The following C5orf58 variants were observed in gnomAD, a reference collection of about 807,000 sequenced individuals.
C5orf58 encodes chromosome 5 open reading frame 58.
C5orf58 carries 2 observed loss-of-function variants against 2.9 expected under a neutral mutation model. That is an observed-to-expected ratio of 0.69 (90% confidence interval 0.28 to 2.18). The LOEUF (loss-of-function observed/expected upper bound fraction) is 2.18. Among genes scored for constraint, C5orf58 ranks in the 30% most tolerant of loss-of-function variants. C5orf58 has a pLI of 0.13. For missense variants in C5orf58, 96 were observed against 91.7 expected, an observed-to-expected ratio of 1.05 and a Z score of -0.19; for synonymous variants, 37 against 33.4, an observed-to-expected ratio of 1.11 and a Z score of -0.37.
downstream of C5orf58, chr5:170,250,967 A>G (rs1761424652): frequency 9.0e-7 from 1 of 1,115,316 alleles, no homozygotes; most frequent in Non-Finnish European, 1.3e-6. Flanking sequence ...ACAAGCCTCT[A>G]GGGATCTGAC....
chr5:170,252,465 T>G, downstream of C5orf58: 1 of 1,589,684 alleles, frequency 6.3e-7, no homozygotes, highest in South Asian at 1.1e-5. Flanking sequence ...AGCTTCTGCC[T>G]CTGGTCGGGT....
chr5:170,251,285 T>C (rs1761435955), intron 2 of C5orf58: 1 of 193,122 alleles, frequency 5.2e-6, no homozygotes, highest in Admixed American at 5.5e-5. Context: ...CCCTAAACTT[T>C]CTTTTCCACA....
At chr5:170,248,865 G>A, downstream of C5orf58, 3 of 1,598,096 alleles carry the variant, frequency 1.9e-6, no homozygotes, top group Non-Finnish European at 2.6e-6. Context: ...GGAATGAAAA[G>A]CAGGAACTTC....
chr5:170,234,238 C>A, intron 2 of C5orf58, 40 bp downstream of exon 2: 1 of 1,201,716 alleles, frequency 8.3e-7, no homozygotes, highest in Non-Finnish European at 1.1e-6. Flanking sequence ...CAGCTTGACC[C>A]ATGACTGCCC....
intron 3 of C5orf58, among the ~76,000 whole-genome samples, chr5:170,243,007 C>A (rs1361051180): frequency 4.2e-5 from 6 of 143,116 alleles, no homozygotes; most frequent in South Asian, 2.3e-4. Context: ...CAAAGAACAT[C>A]TTTATTTCTG....
chr5:170,236,976 A>T (rs1760769260), intron 3 of C5orf58, among the ~76,000 whole-genome samples: 1 of 152,204 alleles, frequency 6.6e-6, no homozygotes, highest in Non-Finnish European at 1.5e-5. Context: ...TTCGATTCTT[A>T]AAAAATTTTT....
intron 2 of C5orf58, 26 bp from the exon 3 acceptor site, chr5:170,234,951 T>A: frequency 9.3e-7 from 1 of 1,081,068 alleles, no homozygotes; most frequent in Non-Finnish European, 1.4e-6. Context: ...ATTTATACAT[T>A]GTTTCTGTTT....
downstream of C5orf58, among the ~76,000 whole-genome samples, chr5:170,249,362 G>GTGTA (rs549497220): frequency 4.8e-4 from 52 of 108,132 alleles, no homozygotes; most frequent in African/African-American, 1.5e-3. Context: ...GCATGCGTGT[G>GTGTA]TATATATATA....
intron 3 of C5orf58, among the ~76,000 whole-genome samples, chr5:170,235,556 CAAGAA>C (rs1453011279): frequency 6.6e-6 from 1 of 152,188 alleles, no homozygotes; most frequent in Non-Finnish European, 1.5e-5. Context: ...TATTTTATCC[CAAGAA>C]AATTTCTGTG....
Position 170,234,958 on chromosome 5 carries a change from G to C in C5orf58, c.1-19G>C. 8.2e-7 allele frequency: 1 copy of C among 1,225,002 alleles called. No homozygotes were observed. Among genetic ancestry groups the C allele is most frequent in the South Asian group, 1.4e-5 (1 of 72,048 alleles). 75.9% of individuals were successfully genotyped at this position (1,225,002 alleles called of 1,614,324 possible). ...AAATACTGATTTATACATTGTTTCTGTTTTTCTTTTAAAATCAGATGGGTA... is the reference window on the plus strand; with the variant it reads ...AAATACTGATTTATACATTGTTTCTCTTTTTCTTTTAAAATCAGATGGGTA... On this transcript the variant is annotated intron_variant, in intron 2 of 3. Coordinates refer to ENST00000593851, the MANE Select transcript of C5orf58 (RefSeq NM_001102609.3).
At chr5:170,248,884 T>G, downstream of C5orf58, 1 of 1,519,490 alleles carries the variant, frequency 6.6e-7, no homozygotes, top group Non-Finnish European at 9.1e-7. Context: ...TCACTTTCAG[T>G]TTTTTTATCT....
At position 170,232,996 on chromosome 5, in the gene C5orf58, A is replaced by G. The variant is rs967226151; in HGVS notation, c.-96A>G. On this transcript the variant is annotated 5_prime_UTR_variant, in exon 1 of 4. Coordinates refer to ENST00000593851, the MANE Select transcript of C5orf58 (RefSeq NM_001102609.3). ...CCCTGCTCCTGTCAGAACCTCGGTG[A>G]CGGTTGGCCAGGTGGGTAGTGACGG... 1.1e-5 allele frequency: 11 copies of G among 985,138 alleles called. No individual in the cohort carries two copies. Among genetic ancestry groups the G allele is most frequent in the Non-Finnish European group, 1.3e-5 (11 of 829,692 alleles). The allele number at this position is 985,138 out of a possible 1,614,324, so 61.0% of individuals were successfully genotyped here. A position where few individuals can be genotyped will look rare whatever the true frequency, so the allele number is the denominator to read the frequency against.
intron 1 of C5orf58, 115 bp downstream of exon 1, chr5:170,233,122 C>A: frequency 3.0e-6 from 1 of 328,358 alleles, no homozygotes; most frequent in Non-Finnish European, 4.4e-6. Context: ...AACGGGTGGG[C>A]GGTGGGCCGG....
chr5:170,249,362 G>GTGTATA (rs549497220), downstream of C5orf58, among the ~76,000 whole-genome samples: 9 of 108,144 alleles, frequency 8.3e-5, no homozygotes, highest in Non-Finnish European at 1.3e-4. Flanking sequence ...GCATGCGTGT[G>GTGTATA]TATATATATA....
intron 3 of C5orf58, among the ~76,000 whole-genome samples, chr5:170,239,732 A>G (rs1000016857): frequency 6.6e-6 from 1 of 152,146 alleles, no homozygotes; most frequent in African/African-American, 2.4e-5. Flanking sequence ...GCACCCTTTT[A>G]GTAAGTTTTT....
downstream of C5orf58, chr5:170,252,251 C>T: frequency 2.5e-6 from 1 of 407,960 alleles, no homozygotes; most frequent in East Asian, 3.5e-5. Context: ...GATTCCCGAG[C>T]CTAGGAATCC....
At chr5:170,247,459 C>T (rs146777630), downstream of C5orf58, 77 of 152,230 alleles carry the variant, frequency 5.1e-4, no homozygotes, top group African/African-American at 1.6e-3. Context: ...TTTTCCATTT[C>T]GAAAACTTGT....
chr5:170,247,243 A>G (rs993328695), downstream of C5orf58: 10 of 152,290 alleles, frequency 6.6e-5, no homozygotes, highest in African/African-American at 2.4e-4. Flanking sequence ...TTTCAGCCTT[A>G]AACTCCCAAG....
At chr5:170,235,097 G>A (rs1760688775) in intron 3 of C5orf58, 27 bp downstream of exon 3, 3 of 1,134,122 alleles carry the variant, frequency 2.6e-6, no homozygotes, top group East Asian at 5.2e-5. Context: ...TAAAATGTTT[G>A]CATGTCATTG....
Sources: allele counts gnomAD v4.1 joint callset (sites outside exome capture counted in the v4.1 genomes callset), GRCh38; gene constraint gnomAD v4.1.1; transcripts MANE v1.5; gene names NCBI Gene and HGNC (gene_info 2026-07-23, HGNC 2026-07-21).